Variants in MAPK10 observed in about 807,000 individuals in gnomAD.
The protein encoded by MAPK10 is mitogen-activated protein kinase 10.
A neutral mutation model predicts 59.3 loss-of-function variants in MAPK10; 25 were observed. That is an observed-to-expected ratio of 0.42 (90% CI 0.31 to 0.59). MAPK10 has a LOEUF of 0.59. Among genes scored for constraint, MAPK10 ranks in the 20% least tolerant of loss-of-function variants. The pLI, the probability that MAPK10 is intolerant of heterozygous loss-of-function variation, is 0.15. For synonymous variants in MAPK10, 190 were observed against 200.5 expected (o/e 0.95, Z 0.44); for missense variants, 351 against 568.9 (o/e 0.62, Z 3.90).
intron 9 of MAPK10, among the ~76,000 whole-genome samples, chr4:86,075,322 C>T (rs1241022686): frequency 6.6e-6 from 1 of 151,960 alleles, no homozygotes; most frequent in Non-Finnish European, 1.5e-5. Context: ...TTTTTAACTT[C>T]TTTGCCTTTG....
intron 2 of MAPK10, among the ~76,000 whole-genome samples, chr4:86,237,085 G>A (rs988433244): frequency 2.6e-5 from 4 of 152,060 alleles, no homozygotes; most frequent in Admixed American, 2.0e-4. Context: ...GTGAGAACAC[G>A]TGGTGTTTGG....
At chr4:86,323,681 G>A (rs17409478) in intron 2 of MAPK10, among the ~76,000 whole-genome samples, 44,125 of 151,974 alleles carry the variant, frequency 0.29, 6,854 homozygotes, top group Non-Finnish European at 0.35. Flanking sequence ...TTTAGTGCCT[G>A]GAAAGAAGAT....
chr4:86,272,379 C>T (rs2094459849), intron 2 of MAPK10, among the ~76,000 whole-genome samples: 1 of 151,886 alleles, frequency 6.6e-6, no homozygotes, highest in Admixed American at 6.6e-5. Flanking sequence ...TAATTCCTCT[C>T]TAAAAAGTTT....
At chr4:86,422,828 GA>G (rs1490226896) in intron 1 of MAPK10, among the ~76,000 whole-genome samples, 2 of 152,140 alleles carry the variant, frequency 1.3e-5, no homozygotes, top group African/African-American at 2.4e-5. Flanking sequence ...TTAAGATAAC[GA>G]AAAGTGGAAA....
chr4:86,388,269 A>C (rs1741766097), intron 1 of MAPK10, among the ~76,000 whole-genome samples: 1 of 152,088 alleles, frequency 6.6e-6, no homozygotes, highest in African/African-American at 2.4e-5. Context: ...ACTTTCCATG[A>C]TATTACATGG....
intron 3 of MAPK10, among the ~76,000 whole-genome samples, chr4:86,165,412 C>G (rs1179972740): frequency 6.6e-6 from 1 of 152,054 alleles, no homozygotes; most frequent in Admixed American, 6.6e-5. Context: ...GGGTCTCGCT[C>G]TGTCATCCAG....
intron 2 of MAPK10, among the ~76,000 whole-genome samples, chr4:86,196,491 A>C (rs564554946): frequency 6.6e-6 from 1 of 152,268 alleles, no homozygotes; most frequent in East Asian, 1.9e-4. Context: ...ACATTGCAAA[A>C]ACTTTCTCCC....
At chr4:86,590,013 A>G (rs67523832) in intron 1 of MAPK10, among the ~76,000 whole-genome samples, 44,673 of 151,496 alleles carry the variant, frequency 0.29, 7,034 homozygotes, top group Admixed American at 0.35. Flanking sequence ...AATAGCAAAG[A>G]CTTGGAAATA....
At chr4:86,095,470 T>C (rs2054046542) in intron 9 of MAPK10, 1 of 151,870 alleles carries the variant, frequency 6.6e-6, no homozygotes, top group Non-Finnish European at 1.5e-5. Context: ...TCTGAATAAT[T>C]CTAGGTGAAA....
intron 1 of MAPK10, among the ~76,000 whole-genome samples, chr4:86,519,940 G>C (rs1435554842): frequency 1.3e-5 from 2 of 152,076 alleles, no homozygotes; most frequent in Non-Finnish European, 2.9e-5. Flanking sequence ...CTAAAGATAG[G>C]ACCCCAATCT....
chr4:86,581,353 A>T (rs1762248538), intron 1 of MAPK10, among the ~76,000 whole-genome samples: 1 of 152,190 alleles, frequency 6.6e-6, no homozygotes, highest in African/African-American at 2.4e-5. Context: ...ATAAAAGTAA[A>T]TTCAATATCT....
intron 2 of MAPK10, among the ~76,000 whole-genome samples, chr4:86,289,843 TG>T (rs2095163473): frequency 6.6e-6 from 1 of 152,056 alleles, no homozygotes; most frequent in South Asian, 2.1e-4. Flanking sequence ...GGGTGTTCTG[TG>T]GGATGGAAGA....
At chr4:86,227,482 C>T (rs1216733057) in intron 2 of MAPK10, among the ~76,000 whole-genome samples, 3 of 131,922 alleles carry the variant, frequency 2.3e-5, no homozygotes, top group Non-Finnish European at 4.7e-5. Flanking sequence ...GCGAGACTCC[C>T]TCTAAAAAAA....
At chr4:86,403,743 A>G (rs1167354658) in intron 1 of MAPK10, among the ~76,000 whole-genome samples, 1 of 152,074 alleles carries the variant, frequency 6.6e-6, no homozygotes, top group East Asian at 1.9e-4. Flanking sequence ...ATCTCGTGAT[A>G]CTCACTCACT....
At chr4:86,138,752 G>C (rs2062850522) in intron 4 of MAPK10, among the ~76,000 whole-genome samples, 1 of 151,852 alleles carries the variant, frequency 6.6e-6, no homozygotes, top group Non-Finnish European at 1.5e-5. Flanking sequence ...AATTGTCCCT[G>C]TTTGCAGATG....
At chr4:86,053,357 G>GGA (rs1335731008) in intron 11 of MAPK10, among the ~76,000 whole-genome samples, 1 of 152,152 alleles carries the variant, frequency 6.6e-6, no homozygotes, top group Non-Finnish European at 1.5e-5. Flanking sequence ...GTGGTTAAGA[G>GGA]GAGATTCTTT....
intron 4 of MAPK10, among the ~76,000 whole-genome samples, chr4:86,149,376 C>T (rs1307867971): frequency 6.6e-6 from 1 of 152,192 alleles, no homozygotes; most frequent in Non-Finnish European, 1.5e-5. Context: ...AAGCGATTCT[C>T]CCGCCTCAGC....
intron 2 of MAPK10, chr4:86,326,386 G>A (rs929475360): frequency 6.6e-6 from 1 of 152,182 alleles, no homozygotes; most frequent in African/African-American, 2.4e-5. Context: ...ATTTCAGTGT[G>A]TCTGATAAGT....
At chr4:86,435,569 AAAAAG>A (rs959656827) in intron 1 of MAPK10, among the ~76,000 whole-genome samples, 28 of 152,162 alleles carry the variant, frequency 1.8e-4, no homozygotes, top group Non-Finnish European at 3.4e-4. Flanking sequence ...AATTTTTTTA[AAAAAG>A]AAAAGAAAAT....
Sources: allele counts gnomAD v4.1 joint callset (sites outside exome capture counted in the v4.1 genomes callset), GRCh38; gene constraint gnomAD v4.1.1; transcripts MANE v1.5; gene names NCBI Gene and HGNC (gene_info 2026-07-23, HGNC 2026-07-21).